The following TECPR1 variants were observed in gnomAD, a reference collection of about 807,000 sequenced individuals.
The protein encoded by TECPR1 is tectonin beta-propeller repeat-containing protein 1.
A neutral mutation model predicts 162.4 loss-of-function variants in TECPR1; 122 were observed. The observed-to-expected ratio is 0.75, with a 90% CI of 0.65 to 0.87. The LOEUF is 0.87. Ranked by LOEUF, TECPR1 falls within the 40% of genes least tolerant of loss-of-function variation. TECPR1 has a pLI of 0.00. For missense variants in TECPR1, 1,432 were observed against 1,618.2 expected (o/e 0.88, Z 1.97); for synonymous variants, 642 against 670.6 (o/e 0.96, Z 0.66).
rs530487687 is a variant in TECPR1, at chr7:98,239,548, CTG to C, written c.934-940_934-939del. On this transcript the variant is annotated intron_variant, in intron 8 of 25. Transcript: ENST00000447648. ...CCAGCCTGGGTGACGGAACGAGACT[CTG>C]TCTCAAATTAAAAAATAAAAAAAAG... is the stretch of plus-strand genomic sequence containing the variant. Among the ~76,000 whole-genome samples, 623 of 152,196 alleles carry C rather than the reference CTG, an allele frequency of 4.1e-3. 2 individuals are homozygous for C. The highest frequency in any genetic ancestry group is 5.6e-3 in the Non-Finnish European group (378 of 68,020).
chr7:98,225,241 G>A (rs1798252209), intron 17 of TECPR1, 139 bp from the exon 18 acceptor site: 5 of 787,478 alleles, frequency 6.3e-6, no homozygotes, highest in Non-Finnish European at 1.0e-5. Flanking sequence ...GCACTCCTAA[G>A]AGGTGACAGC....
intron 13 of TECPR1, 145 bp from the exon 14 acceptor site, chr7:98,231,518 C>T (rs1562937672): frequency 4.0e-6 from 3 of 756,632 alleles, no homozygotes; most frequent in Non-Finnish European, 6.0e-6. Flanking sequence ...TCCCTTGGTA[C>T]TTCATTTCTT....
At chr7:98,234,413 C>T (rs959573515) in intron 10 of TECPR1, among the ~76,000 whole-genome samples, 49 of 152,206 alleles carry the variant, frequency 3.2e-4, no homozygotes, top group Admixed American at 1.0e-3. Flanking sequence ...CTCAGCCTCC[C>T]AAAGTGCTGG....
chr7:98,218,195 G>C (rs1298830503), intron 23 of TECPR1, among the ~76,000 whole-genome samples, 153 bp from the exon 24 acceptor site: 1 of 152,170 alleles, frequency 6.6e-6, no homozygotes, highest in Non-Finnish European at 1.5e-5. Flanking sequence ...CTGAGTCAGG[G>C]CCACAGCCTC....
intron 23 of TECPR1, among the ~76,000 whole-genome samples, chr7:98,220,503 C>T (rs1190035503): frequency 1.3e-5 from 2 of 150,062 alleles, no homozygotes; most frequent in Non-Finnish European, 3.0e-5. Context: ...CAGGTTCAAG[C>T]GATTCTCCTG....
intron 20 of TECPR1, 150 bp from the exon 21 acceptor site, chr7:98,223,320 C>T (rs1212656644): frequency 2.7e-6 from 2 of 734,404 alleles, no homozygotes; most frequent in Admixed American, 3.0e-5. Context: ...CCACCCCCAC[C>T]CCCATCCAGG....
At chr7:98,229,873 C>T (rs948142664) in intron 15 of TECPR1, among the ~76,000 whole-genome samples, 11 of 152,154 alleles carry the variant, frequency 7.2e-5, no homozygotes, top group African/African-American at 2.7e-4. Context: ...GGGAACAACC[C>T]CAGGGCAGCC....
intron 17 of TECPR1, among the ~76,000 whole-genome samples, chr7:98,226,154 G>C (rs530047534): frequency 6.6e-6 from 1 of 152,172 alleles, no homozygotes; most frequent in South Asian, 2.1e-4. Flanking sequence ...GTCCTCCGTC[G>C]GAACTGAGGA....
rs1265618544 is a variant in TECPR1, at chr7:98,215,005, G to A, written c.*2385C>T. The A allele has an allele frequency of 6.6e-6, 1 of 152,352 alleles. No homozygotes were observed. The highest frequency in any genetic ancestry group is 2.4e-5 in the African/African-American group (1 of 41,462). 9.4% of individuals were successfully genotyped at this position (152,352 alleles called of 1,614,324 possible). ...GAGGAGGAGAGGGGACAGGGGCCAG[G>A]TCCACTCCCTTGGCCCTCCTCTTGG... On this transcript the variant is annotated 3_prime_UTR_variant, in exon 26 of 26. Transcript: ENST00000447648.
At chr7:98,228,926 T>C in intron 16 of TECPR1, 113 bp downstream of exon 16, 1 of 1,407,456 alleles carries the variant, frequency 7.1e-7, no homozygotes, top group East Asian at 2.5e-5. Flanking sequence ...AGCCAGCTGT[T>C]AGCCGAGTGT....
intron 17 of TECPR1, among the ~76,000 whole-genome samples, 192 bp downstream of exon 17, chr7:98,227,821 CA>C (rs61468739): frequency 0.2 from 20,208 of 102,110 alleles, 1,326 homozygotes; most frequent in East Asian, 0.28. Flanking sequence ...GACCCTGTAT[CA>C]AAAAAAAAAA....
chr7:98,229,196 C>A (rs1798356905), intron 15 of TECPR1, 30 bp from the exon 16 acceptor site: 6 of 1,542,000 alleles, frequency 3.9e-6, no homozygotes, highest in Non-Finnish European at 5.3e-6. Context: ...CAGGTGGAAA[C>A]CCCTCAGACC....
rs1584355748 is a variant in TECPR1 at position 98,243,570 on chromosome 7, T to C, written c.554A>G (p.Lys185Arg). 1.2e-6 allele frequency: 2 copies of C among 1,612,522 alleles called. No homozygotes were observed. The highest frequency in any genetic ancestry group is 1.7e-6 in the Non-Finnish European group (2 of 1,179,720). The part of the protein sequence containing the change: ...WAKIPSKDDP[K>R]ELPDPFNDLS... ...GTCGTTGAAGGGGTCGGGCAGCTCCTTGGGGTCATCCTTCGAGGGGATCTG... is the reference window on the plus strand; with the variant it reads ...GTCGTTGAAGGGGTCGGGCAGCTCCCTGGGGTCATCCTTCGAGGGGATCTG... The change falls in exon 6 of 26, where the codon AAG (lysine) becomes AGG (arginine). Residue 185 changes from lysine (K) to arginine (R), a missense_variant. By Grantham distance (26) the Lys-to-Arg change is conservative. Transcript: ENST00000447648.
intron 5 of TECPR1, 115 bp downstream of exon 5, chr7:98,244,456 C>T (rs1030322244): frequency 3.7e-5 from 52 of 1,392,238 alleles, no homozygotes; most frequent in African/African-American, 4.3e-5. Context: ...GGCCAGGTCC[C>T]GAGGTGGGCG....
In TECPR1 at chr7:98,232,411, G is replaced by C. The variant is rs1044517385; in HGVS notation, c.1818+416C>G. On this transcript the variant is annotated intron_variant, in intron 12 of 25. Transcript: ENST00000447648. This position sits in a 1 kb window ranked among gnomAD's most constrained non-coding sequence, Gnocchi z 4.6. ...CTCTGAGGGCCGGGCTCTGCCACAGGATAGTGGGGCAGAAGCAGGGTCAGC... is the reference window on the plus strand; with the variant it reads ...CTCTGAGGGCCGGGCTCTGCCACAGCATAGTGGGGCAGAAGCAGGGTCAGC... Among the ~76,000 whole-genome samples the C allele has an allele frequency of 6.6e-6, 1 of 152,068 alleles. No individual in the cohort carries two copies. Among genetic ancestry groups the C allele is most frequent in the Non-Finnish European group, 1.5e-5 (1 of 68,010 alleles).
rs1010554427 is a variant in TECPR1 at position 98,233,529 on chromosome 7, A to G, written c.1564T>C (p.Leu522=). ...TCATCCACCCCATACGGCTCCTCCA[A>G]GCCCAGTGGGAGGAGCCCCAGAGAG... ...LSSLGLLPLG[L]EEPYGVDDHP... Residue 522 remains leucine (L), a synonymous_variant, in exon 11 of 26, where the codon TTG becomes CTG. Transcript: ENST00000447648. 13 of 1,582,574 alleles carry G rather than the reference A, an allele frequency of 8.2e-6. No individual in the cohort carries two copies. In the African/African-American group the frequency reaches 1.8e-4, roughly 22 times the overall value.
chr7:98,246,373 TCTC>T (rs1798910792), intron 2 of TECPR1, among the ~76,000 whole-genome samples: 1 of 150,092 alleles, frequency 6.7e-6, no homozygotes, highest in Admixed American at 6.6e-5. Flanking sequence ...TTCAAGCAAT[TCTC>T]CTGCCTCAGC....
intron 17 of TECPR1, among the ~76,000 whole-genome samples, chr7:98,226,123 A>G (rs1019143420): frequency 6.6e-6 from 1 of 152,180 alleles, no homozygotes; most frequent in Non-Finnish European, 1.5e-5. Flanking sequence ...GTGGGTGCGC[A>G]GCCCTGCCCT....
In TECPR1 at chr7:98,225,097, A is replaced by G; in HGVS notation, c.2519T>C (p.Leu840Pro). ...NPVTGYTSRGLPTDRYMWSDA... is the reference protein window; with the variant it reads ...NPVTGYTSRGPPTDRYMWSDA... ...GCTCCACATGTACCGGTCCGTGGGC[A>G]GACCCCTGCGGCAGGACAACAGGGC... is the stretch of plus-strand genomic sequence containing the variant. Residue 840 changes from leucine (L) to proline (P), a missense_variant, in exon 18 of 26, where the codon CTG (leucine) becomes CCG (proline). Physicochemically the swap from Leu to Pro is moderately conservative, Grantham distance 98. Transcript: ENST00000447648. 1 of 1,567,316 alleles carries G rather than the reference A, an allele frequency of 6.4e-7. No individual in the cohort carries two copies. Among genetic ancestry groups the G allele is most frequent in the Admixed American group, 1.9e-5 (1 of 53,406 alleles).
Sources: allele counts gnomAD v4.1 joint callset (sites outside exome capture counted in the v4.1 genomes callset), GRCh38; gene constraint gnomAD v4.1.1; non-coding constraint Gnocchi (gnomAD v3.1); transcripts MANE v1.5; gene names NCBI Gene and HGNC (gene_info 2026-07-23, HGNC 2026-07-21).